ABRAXAS2: variants seen among roughly 807,000 people sequenced by gnomAD.
The protein encoded by ABRAXAS2 is BRISC complex subunit Abraxas 2.
Under a neutral mutation model 49.0 loss-of-function variants are expected in ABRAXAS2, and 23 were observed. The observed-to-expected ratio is 0.47, with a 90% CI of 0.34 to 0.66. The LOEUF (loss-of-function observed/expected upper bound fraction) is 0.66, where lower values mean the gene tolerates loss of function less well. ABRAXAS2 is among the 30% of genes least tolerant of loss of function. ABRAXAS2 has a pLI of 0.01. For synonymous variants in ABRAXAS2, 168 were observed against 180.2 expected (o/e 0.93, Z 0.54); for missense variants, 443 against 511.9 (o/e 0.87, Z 1.30).
intron 2 of ABRAXAS2, among the ~76,000 whole-genome samples, chr10:124,810,587 T>TG (rs1162771881): frequency 3.8e-5 from 3 of 79,992 alleles, no homozygotes; most frequent in African/African-American, 8.5e-5. Flanking sequence ...AGGATGTTTT[T>TG]GGTTTTTTTT....
In ABRAXAS2 at chr10:124,835,168, A is replaced by G; in HGVS notation, c.*197A>G. ...GGATACAGTGTGCAAGTTTCATGAC[A>G]GAATCATTAAGATAATCAAATTGTC... On this transcript the variant is annotated 3_prime_UTR_variant, in exon 9 of 9. Transcript: ENST00000298492. 4.1e-6 allele frequency: 2 copies of G among 488,046 alleles called. No homozygotes were observed. The highest frequency in any genetic ancestry group is 7.5e-5 in the South Asian group (2 of 26,692). 30.2% of individuals were successfully genotyped at this position (488,046 alleles called of 1,614,324 possible). A position where few individuals can be genotyped will look rare whatever the true frequency, so the allele number is the denominator to read the frequency against.
chr10:124,816,591 A>G lies in ABRAXAS2; in HGVS notation c.179A>G (p.Gln60Arg). The G allele has an allele frequency of 6.2e-7, 1 of 1,602,526 alleles. No individual in the cohort carries two copies. The highest frequency in any genetic ancestry group is 8.5e-7 in the Non-Finnish European group (1 of 1,170,180). The change falls in exon 3 of 9, where the codon CAG becomes CGG. Residue 60 changes from glutamine (Q) to arginine (R), a missense_variant. By Grantham distance (43) the Gln-to-Arg change is conservative. Around this residue, in one of 3 missense-constraint regions of ABRAXAS2, gnomAD observed 166 missense variants for 247.3 expected, o/e 0.67. Coordinates refer to ENST00000298492, the MANE Select transcript of ABRAXAS2 (RefSeq NM_032182.4). Reference sequence around the variant, plus strand: ...CTAATTACAGAAATCCATAACCATCAGCCTTGTTCAAAACTTTTTAGGTAA... The same window carrying G: ...CTAATTACAGAAATCCATAACCATCGGCCTTGTTCAAAACTTTTTAGGTAA... ...FLQVIEIHNHQPCSKLFSFYD... is the reference protein window; with the variant it reads ...FLQVIEIHNHRPCSKLFSFYD...
intron 2 of ABRAXAS2, among the ~76,000 whole-genome samples, chr10:124,809,840 C>T (rs1007825881): frequency 8.6e-5 from 13 of 151,538 alleles, no homozygotes; most frequent in Non-Finnish European, 1.2e-4. Flanking sequence ...ACAACCTCCA[C>T]CTCCCGGGTT....
chr10:124,807,992 G>A (rs1317033590), intron 2 of ABRAXAS2, among the ~76,000 whole-genome samples: 3 of 152,152 alleles, frequency 2.0e-5, no homozygotes, highest in Admixed American at 6.6e-5. Flanking sequence ...TACCCACTTC[G>A]GAGGAGATAT....
chr10:124,803,784 C>T (rs1405369215), intron 1 of ABRAXAS2, among the ~76,000 whole-genome samples: 2 of 152,162 alleles, frequency 1.3e-5, no homozygotes, highest in Non-Finnish European at 2.9e-5. Flanking sequence ...GCCTGTAATC[C>T]CAGCTACTAG....
At chr10:124,811,593 C>T (rs891596156) in intron 2 of ABRAXAS2, among the ~76,000 whole-genome samples, 6 of 151,736 alleles carry the variant, frequency 4.0e-5, no homozygotes, top group Admixed American at 3.3e-4. Flanking sequence ...AAAAAATTAG[C>T]TGGGTATGGT....
intron 1 of ABRAXAS2, 48 bp downstream of exon 1, chr10:124,801,949 G>A (rs773758188): frequency 1.3e-6 from 2 of 1,587,164 alleles, no homozygotes; most frequent in East Asian, 4.6e-5. Flanking sequence ...TTCAGCCTCT[G>A]TCTCAGGCCG....
chr10:124,809,361 T>G (rs920751340), intron 2 of ABRAXAS2, among the ~76,000 whole-genome samples: 2 of 151,950 alleles, frequency 1.3e-5, no homozygotes, highest in Non-Finnish European at 2.9e-5. Flanking sequence ...GTCAGCTCAC[T>G]GCAACCTCCG....
rs532164995 is a variant in ABRAXAS2 at position 124,836,214 on chromosome 10, A to T, written c.*1243A>T. 1 of 152,744 alleles carries T rather than the reference A, an allele frequency of 6.5e-6. No homozygotes were observed. Among genetic ancestry groups the T allele is most frequent in the Admixed American group, 6.5e-5 (1 of 15,302 alleles). The allele number at this position is 152,744 out of a possible 1,614,324, so 9.5% of individuals were successfully genotyped here. ...TGAACTAGTTAAAATCTGTAAGAATAAGGAAGTTGTTGAAGGCTTAAAATC... is the reference window on the plus strand; with the variant it reads ...TGAACTAGTTAAAATCTGTAAGAATTAGGAAGTTGTTGAAGGCTTAAAATC... On this transcript the variant is annotated 3_prime_UTR_variant, in exon 9 of 9. Coordinates refer to ENST00000298492, the MANE Select transcript of ABRAXAS2 (RefSeq NM_032182.4).
chr10:124,825,003 C>T (rs1008844850), intron 4 of ABRAXAS2, among the ~76,000 whole-genome samples: 6 of 152,186 alleles, frequency 3.9e-5, no homozygotes, highest in East Asian at 3.9e-4. Context: ...TCTGTAACTT[C>T]GGACAAAACA....
At chr10:124,825,266 C>A (rs1334771661) in intron 4 of ABRAXAS2, among the ~76,000 whole-genome samples, 2 of 141,694 alleles carry the variant, frequency 1.4e-5, no homozygotes, top group Admixed American at 1.6e-4. Context: ...TGCTGTGAGC[C>A]GAGATCATGC....
chr10:124,817,493 A>T (rs907064397), intron 3 of ABRAXAS2, among the ~76,000 whole-genome samples: 2 of 152,048 alleles, frequency 1.3e-5, no homozygotes, highest in Non-Finnish European at 2.9e-5. Flanking sequence ...TCTGTGTTTC[A>T]TAAAACTCCC....
Position 124,806,860 on chromosome 10 carries a change from A to G in ABRAXAS2, c.102A>G (p.Gln34=), listed in dbSNP as rs757954967. The change falls in exon 2 of 9, where the codon CAA becomes CAG. Residue 34 remains glutamine (Q), a synonymous_variant. Coordinates refer to ENST00000298492, the MANE Select transcript of ABRAXAS2 (RefSeq NM_032182.4). ...GATTTTTACTGGGAGAGGTAAGACA[A>G]GAGGAAACGTTTAGCATCAGTGACT... ...HEGFLLGEVR[Q]EETFSISDSQ... 68 of 1,610,438 alleles carry G rather than the reference A, an allele frequency of 4.2e-5. No individual in the cohort carries two copies. Among genetic ancestry groups the G allele is most frequent in the Non-Finnish European group, 5.6e-5 (66 of 1,178,096 alleles).
At position 124,836,132 on chromosome 10, in the gene ABRAXAS2, C is replaced by T. The variant is rs1461110130; in HGVS notation, c.*1161C>T. On this transcript the variant is annotated 3_prime_UTR_variant, in exon 9 of 9. Transcript: ENST00000298492. ...TCTGGTTTGGAAACAGCAAGACCCACCATTTATGACAAGGACAGCCATGAG... is the reference window on the plus strand; with the variant it reads ...TCTGGTTTGGAAACAGCAAGACCCATCATTTATGACAAGGACAGCCATGAG... The T allele has an allele frequency of 1.3e-5, 2 of 152,548 alleles. No individual in the cohort carries two copies. The allele number at this position is 152,548 out of a possible 1,614,324, so 9.4% of individuals were successfully genotyped here. A position where few individuals can be genotyped will look rare whatever the true frequency, so the allele number is the denominator to read the frequency against.
chr10:124,829,703 C>G (rs1311423292), intron 7 of ABRAXAS2, among the ~76,000 whole-genome samples: 1 of 152,186 alleles, frequency 6.6e-6, no homozygotes, highest in Non-Finnish European at 1.5e-5. Flanking sequence ...ACTACTGTTT[C>G]AAATACTTAC....
At chr10:124,809,344 C>T (rs974077395) in intron 2 of ABRAXAS2, among the ~76,000 whole-genome samples, 1 of 151,856 alleles carries the variant, frequency 6.6e-6, no homozygotes, top group Non-Finnish European at 1.5e-5. Flanking sequence ...GGCTGGAGGG[C>T]AGTGGCGTCA....
At chr10:124,833,533 A>G (rs1441597217) in intron 8 of ABRAXAS2, among the ~76,000 whole-genome samples, 1 of 152,226 alleles carries the variant, frequency 6.6e-6, no homozygotes, top group Non-Finnish European at 1.5e-5. Flanking sequence ...ATATACATGT[A>G]CAGACAAACA....
chr10:124,828,525 C>T lies in ABRAXAS2; in HGVS notation c.459-231C>T, dbSNP rs138643876. ...GACTACAGGTGTGCACCACCATGCC[C>T]GGCTAATTTTTTTTTTATTTTTAGT... On this transcript the variant is annotated intron_variant, in intron 5 of 8. Coordinates refer to ENST00000298492, the MANE Select transcript of ABRAXAS2 (RefSeq NM_032182.4). Among the ~76,000 whole-genome samples the T allele has an allele frequency of 6.9e-3, 1,052 of 152,038 alleles. 14 individuals carry two copies. The highest frequency in any genetic ancestry group is 0.025 in the African/African-American group (1,028 of 41,458).
At chr10:124,813,156 G>A (rs770636785) in intron 2 of ABRAXAS2, among the ~76,000 whole-genome samples, 3 of 151,782 alleles carry the variant, frequency 2.0e-5, no homozygotes, top group Non-Finnish European at 4.4e-5. Context: ...AGTCGAGATC[G>A]TGCCACTGCA....
Sources: gnomAD v4.1 joint callset for allele counts (sites outside exome capture counted in the v4.1 genomes callset) on GRCh38, gnomAD v4.1.1 for gene constraint, gnomAD v4.1.1 regional missense constraint, MANE v1.5 for transcripts, NCBI Gene and HGNC (gene_info 2026-07-23, HGNC 2026-07-21) for gene names.